The following GAREM1 variants were observed in gnomAD, a reference collection of about 807,000 sequenced individuals.
GAREM1 encodes the protein GRB2 associated regulator of MAPK1 subtype 1, also known as GRB2-associated and regulator of MAPK protein 1.
In GAREM1, 26 loss-of-function variants were observed where a neutral mutation model predicts 71.3. The ratio of observed to expected loss-of-function variants is 0.36; its 90% CI spans 0.27 to 0.51. The LOEUF is 0.51. Ranked by LOEUF, GAREM1 falls within the 20% of genes least tolerant of loss-of-function variation. The pLI is 0.95. For missense variants in GAREM1, 1,026 were observed against 1,103.1 expected (o/e 0.93, Z 0.99); for synonymous variants, 440 against 433.2 (o/e 1.02, Z -0.20).
intron 2 of GAREM1, 138 bp downstream of exon 2, chr18:32,392,757 G>C (rs1009638420): frequency 3.1e-5 from 27 of 858,884 alleles, no homozygotes; most frequent in Non-Finnish European, 4.5e-5. Context: ...AGCTTTCACT[G>C]ATCAATAACC....
At chr18:32,467,752 C>T (rs916771212) in intron 1 of GAREM1, among the ~76,000 whole-genome samples, 3 of 152,098 alleles carry the variant, frequency 2.0e-5, no homozygotes, top group Non-Finnish European at 4.4e-5. Context: ...GACTATCTTT[C>T]ATGTCTAAGT....
chr18:32,383,685 T>A (rs1201061597), intron 2 of GAREM1, among the ~76,000 whole-genome samples: 1 of 152,196 alleles, frequency 6.6e-6, no homozygotes, highest in Non-Finnish European at 1.5e-5. Context: ...ATAGGTTAAA[T>A]TATATTTGAA....
chr18:32,365,895 T>C (rs1239741152), intron 2 of GAREM1, among the ~76,000 whole-genome samples: 2 of 152,178 alleles, frequency 1.3e-5, no homozygotes, highest in African/African-American at 2.4e-5. Flanking sequence ...GGCAATTCCA[T>C]GGCTAGGGGA....
intron 2 of GAREM1, among the ~76,000 whole-genome samples, chr18:32,354,708 G>A (rs1181283650): frequency 2.0e-5 from 3 of 152,176 alleles, no homozygotes; most frequent in African/African-American, 7.2e-5. Context: ...AAGCGGTGTG[G>A]CTGAGGTCAT....
At chr18:32,349,499 T>C (rs1224844428) in intron 2 of GAREM1, among the ~76,000 whole-genome samples, 1 of 152,210 alleles carries the variant, frequency 6.6e-6, no homozygotes, top group African/African-American at 2.4e-5. Context: ...TCAGAATTCA[T>C]CTGATAAGTT....
intron 1 of GAREM1, among the ~76,000 whole-genome samples, chr18:32,427,046 C>T (rs1406358644): frequency 6.6e-6 from 1 of 152,026 alleles, no homozygotes; most frequent in Non-Finnish European, 1.5e-5. Flanking sequence ...TTTTTTGAGA[C>T]CTAATAAATT....
At chr18:32,373,472 C>T (rs2048005545) in intron 2 of GAREM1, among the ~76,000 whole-genome samples, 2 of 152,134 alleles carry the variant, frequency 1.3e-5, no homozygotes, top group Non-Finnish European at 2.9e-5. Context: ...AGTGGAGCTG[C>T]TCTGATCAGA....
At chr18:32,338,836 G>C (rs530953866) in intron 2 of GAREM1, among the ~76,000 whole-genome samples, 1 of 152,188 alleles carries the variant, frequency 6.6e-6, no homozygotes, top group Non-Finnish European at 1.5e-5. Flanking sequence ...CACTATTCTA[G>C]ATGTCTCTGT....
rs200180542 is a variant in GAREM1, at chr18:32,457,170, T to TG, written c.121+13137dup. 1.3e-3 allele frequency among the ~76,000 whole-genome samples: 83 copies of TG among 62,524 alleles called. 1 individual carries two copies. The East Asian group carries it at 0.037, about 28-fold the overall frequency. The allele number at this position is 62,524 out of a possible 152,430, so 41.0% of individuals were successfully genotyped here. A position where few individuals can be genotyped will look rare whatever the true frequency, so the allele number is the denominator to read the frequency against. ...TGCCACTATTATGTAAAATTGTGTG[T>TG]GGGGGGTGGGGGAGAGAGATTGTGT... On this transcript the variant is annotated intron_variant, in intron 1 of 5. Coordinates refer to ENST00000269209, the MANE Select transcript of GAREM1 (RefSeq NM_001242409.2).
intron 1 of GAREM1, among the ~76,000 whole-genome samples, chr18:32,442,671 T>C (rs1337711488): frequency 6.6e-6 from 1 of 152,202 alleles, no homozygotes; most frequent in Non-Finnish European, 1.5e-5. Flanking sequence ...ATATGGGATG[T>C]GGCAGTTCCC....
intron 2 of GAREM1, among the ~76,000 whole-genome samples, chr18:32,343,570 G>A (rs1024225419): frequency 1.3e-5 from 2 of 151,966 alleles, no homozygotes; most frequent in African/African-American, 4.8e-5. Context: ...CAAAGTGCTG[G>A]AATTACAGGC....
intron 2 of GAREM1, among the ~76,000 whole-genome samples, chr18:32,390,171 AAAAC>A (rs1301494395): frequency 2.0e-5 from 3 of 152,164 alleles, no homozygotes; most frequent in East Asian, 1.9e-4. Context: ...ACCTTGTTTC[AAAAC>A]AAACAAACAA....
intron 1 of GAREM1, among the ~76,000 whole-genome samples, chr18:32,435,453 T>G (rs1313850664): frequency 6.6e-6 from 1 of 152,146 alleles, no homozygotes; most frequent in Non-Finnish European, 1.5e-5. Flanking sequence ...AATAAAAAGC[T>G]GAAAAAACAA....
At chr18:32,322,662 A>G (rs1303937151) in intron 2 of GAREM1, among the ~76,000 whole-genome samples, 2 of 152,188 alleles carry the variant, frequency 1.3e-5, no homozygotes, top group Non-Finnish European at 1.5e-5. Flanking sequence ...TTTTATTCCC[A>G]GTACTCAATA....
intron 1 of GAREM1, among the ~76,000 whole-genome samples, chr18:32,403,084 A>C (rs1370025349): frequency 6.6e-6 from 1 of 151,786 alleles, no homozygotes; most frequent in Non-Finnish European, 1.5e-5. Flanking sequence ...CACCCAGCTA[A>C]TTTTTGTATT....
chr18:32,382,031 C>T (rs75134858), intron 2 of GAREM1, among the ~76,000 whole-genome samples: 5,209 of 152,258 alleles, frequency 0.034, 136 homozygotes, highest in East Asian at 0.11. Flanking sequence ...CTGTACCTGC[C>T]TGACTGGAGG....
intron 1 of GAREM1, among the ~76,000 whole-genome samples, chr18:32,402,729 C>T (rs1172098619): frequency 6.6e-6 from 1 of 152,080 alleles, no homozygotes; most frequent in African/African-American, 2.4e-5. Flanking sequence ...ATTCGGAGTC[C>T]TATTCTGGAC....
chr18:32,419,826 G>T (rs562223530), intron 1 of GAREM1, among the ~76,000 whole-genome samples: 69 of 152,304 alleles, frequency 4.5e-4, no homozygotes, highest in African/African-American at 1.6e-3. Flanking sequence ...AGTAGATACA[G>T]AATTAAAGAG....
intron 4 of GAREM1, among the ~76,000 whole-genome samples, chr18:32,275,303 A>G (rs1206577904): frequency 1.3e-5 from 2 of 152,166 alleles, no homozygotes; most frequent in Non-Finnish European, 2.9e-5. Flanking sequence ...CTTTCTATTT[A>G]TTTCCAATGT....
Sources: allele counts gnomAD v4.1 joint callset (sites outside exome capture counted in the v4.1 genomes callset), GRCh38; gene constraint gnomAD v4.1.1; transcripts MANE v1.5; gene names NCBI Gene and HGNC (gene_info 2026-07-23, HGNC 2026-07-21).